Variants in GANC observed in about 807,000 individuals in gnomAD.
GANC encodes glucosidase alpha, neutral C, also known as neutral alpha-glucosidase C.
Under a neutral mutation model 124.2 loss-of-function variants are expected in GANC, and 117 were observed. The ratio of observed to expected loss-of-function variants is 0.94; its 90% CI spans 0.81 to 1.10. GANC has a LOEUF of 1.10. GANC is among the 50% of genes least tolerant of loss of function. GANC has a pLI of 0.00. For synonymous variants in GANC, 377 were observed against 376.8 expected (o/e 1.00, Z -0.01); for missense variants, 1,140 against 1,095.0 (o/e 1.04, Z -0.58).
Position 42,287,776 on chromosome 15 carries a change from T to G in GANC, c.287T>G (p.Phe96Cys). Residue 96 changes from phenylalanine to cysteine, a missense_variant, in exon 4 of 24, where the codon TTT becomes TGT. Transcript: ENST00000318010. The stretch of plus-strand genomic sequence containing the variant: ...GAAGAGACTCCTCTAAAACCCAGAT[T>G]TGAAGTTCCGGATGTCCTCACAAGC... ...INEETPLKPR[F>C]EVPDVLTSKP... The G allele has an allele frequency of 6.2e-7, 1 of 1,613,390 alleles. No individual in the cohort carries two copies. Among genetic ancestry groups the G allele is most frequent in the East Asian group, 2.2e-5 (1 of 44,854 alleles).
rs1173628365 is a variant in GANC, at chr15:42,329,397, A to G, written c.1592A>G (p.His531Arg). 6.2e-7 allele frequency: 1 copy of G among 1,613,614 alleles called. No homozygotes were observed. The highest frequency in any genetic ancestry group is 8.5e-7 in the Non-Finnish European group (1 of 1,179,546). ...CAAACCATGCAGAAGAATGCCATTC[A>G]TCATGGCAATTGGGAGCACAGAGAG... ...PEQTMQKNAI[H>R]HGNWEHRELH... Residue 531 changes from histidine to arginine, a missense_variant, in exon 14 of 24, where the codon CAT becomes CGT. By Grantham distance (29) the His-to-Arg change is conservative. Coordinates refer to ENST00000318010, the MANE Select transcript of GANC (RefSeq NM_198141.3).
intron 5 of GANC, among the ~76,000 whole-genome samples, chr15:42,296,802 A>G (rs562871901): frequency 1.9e-4 from 29 of 149,424 alleles, no homozygotes; most frequent in African/African-American, 7.1e-4. Flanking sequence ...TATGCTGTAT[A>G]TATTCTTTTG....
At chr15:42,285,951 C>G (rs1566949764) in intron 3 of GANC, among the ~76,000 whole-genome samples, 2 of 152,008 alleles carry the variant, frequency 1.3e-5, no homozygotes, top group Non-Finnish European at 2.9e-5. Flanking sequence ...CTTTTCCCCC[C>G]TGGGCTGCAG....
intron 10 of GANC, among the ~76,000 whole-genome samples, chr15:42,316,544 A>G (rs527820768): frequency 2.8e-4 from 42 of 152,350 alleles, no homozygotes; most frequent in African/African-American, 1.0e-3. Context: ...AAGAAAGATC[A>G]AGGACTTTAA....
At position 42,338,418 on chromosome 15, in the gene GANC, G is replaced by A. The variant is rs755470826; in HGVS notation, c.1771G>A (p.Glu591Lys). 22 of 1,614,052 alleles carry A rather than the reference G, an allele frequency of 1.4e-5. No homozygotes were observed. Among genetic ancestry groups the A allele is most frequent in the Non-Finnish European group, 1.8e-5 (21 of 1,179,932 alleles). ...CGTGTGGACAGGCGACAACACAGCA[G>A]AATGGAGCAACTTGAAAATTTCTAT... is the stretch of plus-strand genomic sequence containing the variant. ...GAVWTGDNTA[E>K]WSNLKISIPM... Residue 591 changes from glutamate (E) to lysine (K), a missense_variant, in exon 16 of 24, where the codon GAA becomes AAA. Transcript: ENST00000318010.
At position 42,321,722 on chromosome 15, in the gene GANC, T is replaced by G. The variant is rs1030069014; in HGVS notation, c.1058-63T>G. 3 of 1,368,080 alleles carry G rather than the reference T, an allele frequency of 2.2e-6. No homozygotes were observed. In the African/African-American group the frequency reaches 4.3e-5, roughly 20 times the overall value. The allele number at this position is 1,368,080 out of a possible 1,614,324, so 84.7% of individuals were successfully genotyped here. A position where few individuals can be genotyped will look rare whatever the true frequency, so the allele number is the denominator to read the frequency against. ...ATACTCTGTAGACATTCAGGAAATG[T>G]TTATCAAATGAATAATGGTCATTGC... On this transcript the variant is annotated intron_variant, in intron 10 of 23. Coordinates refer to ENST00000318010, the MANE Select transcript of GANC (RefSeq NM_198141.3).
intron 4 of GANC, among the ~76,000 whole-genome samples, chr15:42,289,149 T>A (rs956270093): frequency 2.6e-5 from 4 of 152,198 alleles, no homozygotes; most frequent in Non-Finnish European, 5.9e-5. Flanking sequence ...CGTTTCTTCA[T>A]TTCCCAGACT....
At chr15:42,303,947 G>A (rs1034915122) in intron 6 of GANC, among the ~76,000 whole-genome samples, 5 of 152,046 alleles carry the variant, frequency 3.3e-5, no homozygotes, top group African/African-American at 4.8e-5. Flanking sequence ...ACAGATTAAC[G>A]AGACAGAAAA....
At chr15:42,343,916 C>G (rs2052345420) in intron 19 of GANC, among the ~76,000 whole-genome samples, 1 of 152,244 alleles carries the variant, frequency 6.6e-6, no homozygotes, top group Non-Finnish European at 1.5e-5. Flanking sequence ...CATCCTTGAG[C>G]ACGGGAGCAT....
At chr15:42,274,637 G>T in intron 1 of GANC, 127 bp downstream of exon 1, 1 of 952,342 alleles carries the variant, frequency 1.1e-6, no homozygotes, top group Non-Finnish European at 1.5e-6. Context: ...TCAATTCGCG[G>T]GAAGTTAGTT....
intron 10 of GANC, among the ~76,000 whole-genome samples, chr15:42,317,630 G>A (rs979857689): frequency 2.6e-5 from 4 of 151,450 alleles, no homozygotes; most frequent in Admixed American, 6.6e-5. Context: ...GTGCATTTTA[G>A]ATGGGTAAAT....
chr15:42,291,430 T>TA, intron 4 of GANC, among the ~76,000 whole-genome samples: 1 of 152,210 alleles, frequency 6.6e-6, no homozygotes, highest in East Asian at 1.9e-4. Context: ...TCCACAGACT[T>TA]AGAGAGATAA....
intron 5 of GANC, among the ~76,000 whole-genome samples, chr15:42,295,947 G>A (rs1015960463): frequency 6.6e-6 from 1 of 152,170 alleles, no homozygotes; most frequent in Middle Eastern, 3.4e-3. Context: ...TTTGAGACCA[G>A]CCTGGCCAAC....
chr15:42,293,240 A>G (rs4923941), intron 5 of GANC, among the ~76,000 whole-genome samples: 138,414 of 152,180 alleles, frequency 0.91, 64,311 homozygotes, highest in Non-Finnish European at 1. Context: ...TCGTAATTTC[A>G]CTTCACTCCC....
intron 23 of GANC, among the ~76,000 whole-genome samples, chr15:42,351,771 T>C (rs146294193): frequency 5.3e-3 from 801 of 152,362 alleles, no homozygotes; most frequent in Non-Finnish European, 7.6e-3. Context: ...ATGGGACTTA[T>C]ATCCTTCCTT....
chr15:42,299,420 C>T (rs1199088834), intron 6 of GANC, among the ~76,000 whole-genome samples: 5 of 152,096 alleles, frequency 3.3e-5, no homozygotes, highest in South Asian at 2.1e-4. Context: ...CTGACTTGAT[C>T]GTGGTGGATA....
intron 22 of GANC, 77 bp downstream of exon 22, chr15:42,349,572 C>CA: frequency 1.2e-6 from 1 of 823,498 alleles, no homozygotes; most frequent in Non-Finnish European, 2.1e-6. Context: ...ATCAAATGCA[C>CA]AGGTATGTTT....
chr15:42,332,236 A>G (rs2052251989), intron 15 of GANC, among the ~76,000 whole-genome samples: 1 of 152,178 alleles, frequency 6.6e-6, no homozygotes, highest in Non-Finnish European at 1.5e-5. Flanking sequence ...AATATAAGAA[A>G]ATGTAATACC....
chr15:42,351,484 A>G, intron 23 of GANC, 52 bp downstream of exon 23: 1 of 1,269,008 alleles, frequency 7.9e-7, no homozygotes, highest in Non-Finnish European at 1.1e-6. Flanking sequence ...AAACAGAAGT[A>G]TCTGCAGTGA....
Sources: gnomAD v4.1 joint callset for allele counts (sites outside exome capture counted in the v4.1 genomes callset) on GRCh38, gnomAD v4.1.1 for gene constraint, MANE v1.5 for transcripts, NCBI Gene and HGNC (gene_info 2026-07-23, HGNC 2026-07-21) for gene names.